CCDC91: variants seen among roughly 807,000 people sequenced by gnomAD.
The protein encoded by CCDC91 is coiled-coil domain containing 91.
In CCDC91, 48 loss-of-function variants were observed where a neutral mutation model predicts 63.2. That is an observed-to-expected ratio of 0.76 (90% CI 0.60 to 0.97). The LOEUF (loss-of-function observed/expected upper bound fraction) is 0.97, where lower values mean the gene tolerates loss of function less well. Ranked by LOEUF, CCDC91 falls within the 50% of genes least tolerant of loss-of-function variation. The probability of loss-of-function intolerance (pLI) is 0.00; values close to 1 mark genes in which losing one functional copy is unlikely to be tolerated. For missense variants in CCDC91, 500 were observed against 494.6 expected (o/e 1.01, Z -0.10); for synonymous variants, 167 against 165.8 (o/e 1.01, Z -0.06).
intron 6 of CCDC91, among the ~76,000 whole-genome samples, chr12:28,313,390 A>G (rs1488242853): frequency 6.6e-6 from 1 of 152,020 alleles, no homozygotes; most frequent in East Asian, 1.9e-4. Flanking sequence ...ATTTATAGCT[A>G]TTTCTCACCA....
At chr12:28,267,749 T>A (rs1445615714) in intron 3 of CCDC91, among the ~76,000 whole-genome samples, 1 of 59,996 alleles carries the variant, frequency 1.7e-5, no homozygotes, top group Non-Finnish European at 3.4e-5. Flanking sequence ...AATTATATAT[T>A]ACTATATAAT....
At chr12:28,349,780 G>A (rs958587631) in intron 6 of CCDC91, among the ~76,000 whole-genome samples, 4 of 151,974 alleles carry the variant, frequency 2.6e-5, no homozygotes, top group African/African-American at 4.8e-5. Flanking sequence ...TGTGCCTAAC[G>A]TTCCCAGTTT....
At chr12:28,226,218 A>C (rs925070380) in intron 1 of CCDC91, 1 of 152,224 alleles carries the variant, frequency 6.6e-6, no homozygotes, top group African/African-American at 2.4e-5. Flanking sequence ...TTGGCGATTA[A>C]ATGGTTGTGA....
chr12:28,527,216 T>C (rs1392921411), intron 12 of CCDC91, among the ~76,000 whole-genome samples: 2 of 152,132 alleles, frequency 1.3e-5, no homozygotes, highest in African/African-American at 4.8e-5. Context: ...GGTTTTCTGG[T>C]TTCTTATTTG....
At chr12:28,263,028 C>T (rs568072925) in intron 3 of CCDC91, among the ~76,000 whole-genome samples, 1 of 152,052 alleles carries the variant, frequency 6.6e-6, no homozygotes, top group East Asian at 1.9e-4. Flanking sequence ...TTCCCATTGT[C>T]TGTTCCTATA....
intron 12 of CCDC91, among the ~76,000 whole-genome samples, chr12:28,524,354 T>A (rs1941057816): frequency 1.3e-5 from 2 of 151,748 alleles, no homozygotes; most frequent in African/African-American, 4.8e-5. Flanking sequence ...TTTTGTCAAA[T>A]GGCTCATGTG....
chr12:28,307,510 A>C, intron 5 of CCDC91, 135 bp from the exon 6 acceptor site: 1 of 551,538 alleles, frequency 1.8e-6, no homozygotes, highest in Non-Finnish European at 3.2e-6. Context: ...ATAATTTATA[A>C]TATTGTTAGA....
chr12:28,319,021 C>T (rs927465284), intron 6 of CCDC91, among the ~76,000 whole-genome samples: 3 of 151,886 alleles, frequency 2.0e-5, no homozygotes, highest in African/African-American at 7.2e-5. Context: ...CCACCTAATT[C>T]AGAAATCTTA....
chr12:28,479,974 T>G (rs1951355217), intron 11 of CCDC91, among the ~76,000 whole-genome samples: 1 of 151,970 alleles, frequency 6.6e-6, no homozygotes. Context: ...GCAACCAATC[T>G]CCATGCTATT....
At chr12:28,469,345 A>C (rs1950696502) in intron 11 of CCDC91, among the ~76,000 whole-genome samples, 1 of 152,080 alleles carries the variant, frequency 6.6e-6, no homozygotes, top group Non-Finnish European at 1.5e-5. Flanking sequence ...AGTAGGTACA[A>C]ATGAAACTAA....
chr12:28,516,438 A>G (rs1410751606), intron 12 of CCDC91, among the ~76,000 whole-genome samples: 1 of 151,798 alleles, frequency 6.6e-6, no homozygotes, highest in African/African-American at 2.4e-5. Context: ...CCACATCTCT[A>G]CAAAAAATAC....
chr12:28,361,923 T>G (rs1329009169), intron 6 of CCDC91, among the ~76,000 whole-genome samples: 4 of 152,010 alleles, frequency 2.6e-5, no homozygotes, highest in Non-Finnish European at 5.9e-5. Context: ...CTGTTGTCAT[T>G]TCTGATAATT....
intron 6 of CCDC91, among the ~76,000 whole-genome samples, chr12:28,350,395 T>C (rs1327853111): frequency 6.6e-6 from 1 of 152,218 alleles, no homozygotes; most frequent in African/African-American, 2.4e-5. Flanking sequence ...GTAATTATTT[T>C]TAACACTTAG....
At chr12:28,405,133 T>A (rs1214129562) in intron 8 of CCDC91, among the ~76,000 whole-genome samples, 7 of 152,040 alleles carry the variant, frequency 4.6e-5, no homozygotes, top group African/African-American at 1.7e-4. Flanking sequence ...ATTGAAAATT[T>A]TATGATTTAA....
intron 1 of CCDC91, among the ~76,000 whole-genome samples, chr12:28,203,373 T>C (rs1046977476): frequency 3.3e-5 from 5 of 152,230 alleles, no homozygotes; most frequent in African/African-American, 1.2e-4. Flanking sequence ...CCTGCTGATG[T>C]CACTGTGTAG....
chr12:28,222,176 T>A (rs540092628), intron 1 of CCDC91, among the ~76,000 whole-genome samples: 7 of 152,350 alleles, frequency 4.6e-5, no homozygotes, highest in Non-Finnish European at 8.8e-5. Flanking sequence ...AAATCTGGTC[T>A]CTGTGTTTCC....
At chr12:28,318,575 A>G (rs965166591) in intron 6 of CCDC91, among the ~76,000 whole-genome samples, 1 of 151,916 alleles carries the variant, frequency 6.6e-6, no homozygotes, top group African/African-American at 2.4e-5. Flanking sequence ...TTGTTACGGA[A>G]TAACAATAGC....
chr12:28,283,806 A>G (rs1469354260), intron 3 of CCDC91, among the ~76,000 whole-genome samples: 1 of 152,198 alleles, frequency 6.6e-6, no homozygotes, highest in Non-Finnish European at 1.5e-5. Flanking sequence ...GACCTGTCAC[A>G]TGGGATCAAG....
intron 3 of CCDC91, chr12:28,268,622 C>G: frequency 6.1e-6 from 6 of 982,696 alleles, no homozygotes; most frequent in Non-Finnish European, 6.0e-6. Flanking sequence ...AATGAGGGCT[C>G]CATTATTTTG....
Sources: allele counts gnomAD v4.1 joint callset (sites outside exome capture counted in the v4.1 genomes callset), GRCh38; gene constraint gnomAD v4.1.1; transcripts MANE v1.5; gene names NCBI Gene and HGNC (gene_info 2026-07-23, HGNC 2026-07-21).